Variants in CAMK4 observed in about 807,000 individuals in gnomAD.
CAMK4 encodes the protein calcium/calmodulin dependent protein kinase IV.
CAMK4 carries 22 observed loss-of-function variants against 44.9 expected under a neutral mutation model. The ratio of observed to expected loss-of-function variants is 0.49; its 90% CI spans 0.35 to 0.70. The LOEUF (loss-of-function observed/expected upper bound fraction) is 0.70, where lower values mean the gene tolerates loss of function less well. Ranked by LOEUF, CAMK4 falls within the 30% of genes least tolerant of loss-of-function variation. CAMK4 has a pLI of 0.01. For synonymous variants in CAMK4, 218 were observed against 215.4 expected (o/e 1.01, Z -0.11); for missense variants, 498 against 586.8 (o/e 0.85, Z 1.56).
intron 1 of CAMK4, among the ~76,000 whole-genome samples, chr5:111,240,055 A>G (rs1303098623): frequency 1.3e-5 from 2 of 152,254 alleles, no homozygotes; most frequent in Non-Finnish European, 2.9e-5. Context: ...AAGTTGGGGT[A>G]GTTTAAAATA....
chr5:111,237,489 A>G (rs1419493356), intron 1 of CAMK4, among the ~76,000 whole-genome samples: 1 of 152,196 alleles, frequency 6.6e-6, no homozygotes, highest in Non-Finnish European at 1.5e-5. Context: ...CCTCACATAA[A>G]TTTTATTCTC....
rs986822709 is a variant in CAMK4 at position 111,247,967 on chromosome 5, A to G, written c.161+23323A>G. Among the ~76,000 whole-genome samples, 14 of 152,188 alleles carry G rather than the reference A, an allele frequency of 9.2e-5. 1 individual carries two copies. The highest frequency in any genetic ancestry group is 2.9e-5 in the Non-Finnish European group (2 of 68,020). ...GAATTTTCCAGTCTTTAATGTGCTC[A>G]GGGGCATTGTGGTTTTTAACTGTTT... is the stretch of plus-strand genomic sequence containing the variant. On this transcript the variant is annotated intron_variant, in intron 1 of 10. Coordinates refer to ENST00000282356, the MANE Select transcript of CAMK4 (RefSeq NM_001744.6).
intron 5 of CAMK4, among the ~76,000 whole-genome samples, chr5:111,434,248 G>C (rs1171282460): frequency 2.7e-4 from 40 of 148,372 alleles, no homozygotes; most frequent in African/African-American, 8.7e-4. Context: ...AGCCAAGATC[G>C]CGCCACTGCA....
At chr5:111,286,755 A>G (rs146967844) in intron 1 of CAMK4, among the ~76,000 whole-genome samples, 20 of 152,306 alleles carry the variant, frequency 1.3e-4, no homozygotes, top group African/African-American at 4.8e-4. Flanking sequence ...CCAAATATAG[A>G]ACATAAAATT....
intron 5 of CAMK4, among the ~76,000 whole-genome samples, chr5:111,408,067 C>T (rs1217649417): frequency 2.0e-5 from 3 of 152,002 alleles, no homozygotes; most frequent in Admixed American, 1.3e-4. Context: ...CAAGATCACG[C>T]CACTGCACTC....
intron 7 of CAMK4, among the ~76,000 whole-genome samples, chr5:111,453,153 C>T (rs888494624): frequency 6.6e-6 from 1 of 152,060 alleles, no homozygotes; most frequent in South Asian, 2.1e-4. Flanking sequence ...TAAAATATTA[C>T]CTCACAATGG....
intron 1 of CAMK4, among the ~76,000 whole-genome samples, chr5:111,267,239 T>C (rs539823085): frequency 1.4e-4 from 22 of 152,188 alleles, no homozygotes; most frequent in Non-Finnish European, 2.8e-4. Context: ...TAGTTGGAAA[T>C]GGTATTTCAA....
At chr5:111,227,931 CTTTTGCCCAGTGATT>C (rs1337422318) in intron 1 of CAMK4, among the ~76,000 whole-genome samples, 1 of 152,188 alleles carries the variant, frequency 6.6e-6, no homozygotes, top group African/African-American at 2.4e-5. Flanking sequence ...AGCAGTTGGT[CTTTTGCCCAGTGATT>C]TGAGAAACTG....
intron 5 of CAMK4, among the ~76,000 whole-genome samples, chr5:111,433,716 T>G (rs1191320635): frequency 1.3e-5 from 2 of 152,188 alleles, no homozygotes; most frequent in African/African-American, 4.8e-5. Flanking sequence ...ATGAAAGATT[T>G]ACCCTCTGGA....
chr5:111,395,430 C>T (rs1751971269), intron 5 of CAMK4, among the ~76,000 whole-genome samples: 1 of 148,092 alleles, frequency 6.8e-6, no homozygotes. Context: ...TTTCCCATTT[C>T]TTGAGTTTGT....
chr5:111,466,023 A>G (rs912265445), intron 7 of CAMK4, among the ~76,000 whole-genome samples: 2 of 152,224 alleles, frequency 1.3e-5, no homozygotes, highest in African/African-American at 4.8e-5. Flanking sequence ...GTTTCATACC[A>G]GGGATGCAGG....
chr5:111,354,494 T>C (rs1750246039), intron 2 of CAMK4, among the ~76,000 whole-genome samples: 1 of 151,900 alleles, frequency 6.6e-6, no homozygotes, highest in African/African-American at 2.4e-5. Context: ...TTAGCTTGAT[T>C]GTGGCAATCA....
At chr5:111,384,414 T>A (rs1751525329) in intron 4 of CAMK4, among the ~76,000 whole-genome samples, 1 of 152,106 alleles carries the variant, frequency 6.6e-6, no homozygotes, top group South Asian at 2.1e-4. Context: ...CCTTTAAACT[T>A]CTTCTACATT....
intron 1 of CAMK4, among the ~76,000 whole-genome samples, chr5:111,313,499 G>A (rs915553187): frequency 6.6e-6 from 1 of 152,028 alleles, no homozygotes; most frequent in South Asian, 2.1e-4. Context: ...GTAAAGCAGG[G>A]TGACTAAGAA....
intron 2 of CAMK4, among the ~76,000 whole-genome samples, chr5:111,360,869 GA>G (rs2112795337): frequency 6.6e-6 from 1 of 152,148 alleles, no homozygotes; most frequent in African/African-American, 2.4e-5. Flanking sequence ...CACTGACAAA[GA>G]AATTTTTTTT....
In CAMK4 at chr5:111,491,770, T is replaced by C. The variant is rs1387724228; in HGVS notation, c.*7304T>C. 1.3e-5 allele frequency: 2 copies of C among 152,294 alleles called. No individual in the cohort carries two copies. Among genetic ancestry groups the C allele is most frequent in the East Asian group, 3.9e-4 (2 of 5,184 alleles). The allele number at this position is 152,294 out of a possible 1,614,324, so 9.4% of individuals were successfully genotyped here. On this transcript the variant is annotated 3_prime_UTR_variant, in exon 11 of 11. Transcript: ENST00000282356. ...TTTAAGTCAATCTACAGCTGTTACT[T>C]ACTAAGCTAAGAAATAAGAAGATCC...
chr5:111,309,510 G>GA (rs1427878014), intron 1 of CAMK4, among the ~76,000 whole-genome samples: 3 of 152,124 alleles, frequency 2.0e-5, no homozygotes, highest in African/African-American at 4.8e-5. Flanking sequence ...CACTAAAGCT[G>GA]AACCTCCTTA....
chr5:111,355,206 A>G (rs1750286052), intron 2 of CAMK4, among the ~76,000 whole-genome samples: 1 of 152,128 alleles, frequency 6.6e-6, no homozygotes, highest in Non-Finnish European at 1.5e-5. Context: ...AAACTTCTTC[A>G]AGGATTCTGT....
intron 1 of CAMK4, among the ~76,000 whole-genome samples, chr5:111,258,717 C>T (rs776600494): frequency 6.7e-6 from 1 of 149,100 alleles, no homozygotes; most frequent in Non-Finnish European, 1.5e-5. Flanking sequence ...ATCATATCAC[C>T]ATTACCTCTA....
Sources: gnomAD v4.1 joint callset for allele counts (sites outside exome capture counted in the v4.1 genomes callset) on GRCh38, gnomAD v4.1.1 for gene constraint, MANE v1.5 for transcripts, NCBI Gene and HGNC (gene_info 2026-07-23, HGNC 2026-07-21) for gene names.